TEX36: variants seen among roughly 807,000 people sequenced by gnomAD.
The protein encoded by TEX36 is testis-expressed protein 36.
In TEX36, 12 loss-of-function variants were observed where a neutral mutation model predicts 13.6. The ratio of observed to expected loss-of-function variants is 0.88; its 90% confidence interval spans 0.56 to 1.43. The LOEUF (loss-of-function observed/expected upper bound fraction) is 1.43. Among genes scored for constraint, TEX36 ranks in the 40% most tolerant of loss-of-function variants. The pLI is 0.00. For synonymous variants in TEX36, 93 were observed against 83.0 expected (o/e 1.12, Z -0.65); for missense variants, 224 against 228.3 (o/e 0.98, Z 0.12).
At chr10:125,647,235 A>G (rs1846783785) in intron 3 of TEX36, among the ~76,000 whole-genome samples, 1 of 152,258 alleles carries the variant, frequency 6.6e-6, no homozygotes, top group South Asian at 2.1e-4. Context: ...GCACAAACCC[A>G]GAATTATTTA....
chr10:125,618,185 CT>C (rs2133557299), downstream of TEX36, among the ~76,000 whole-genome samples: 1 of 152,220 alleles, frequency 6.6e-6, no homozygotes, highest in East Asian at 1.9e-4. Flanking sequence ...GTTATACATT[CT>C]TCTAAATTTT....
At chr10:125,627,630 A>G (rs1316018388) in intron 3 of TEX36, among the ~76,000 whole-genome samples, 1 of 152,268 alleles carries the variant, frequency 6.6e-6, no homozygotes, top group African/African-American at 2.4e-5. Flanking sequence ...TTGAATCAGA[A>G]CTATGGCATA....
intron 3 of TEX36, among the ~76,000 whole-genome samples, chr10:125,647,052 A>T (rs1379968527): frequency 6.6e-6 from 1 of 152,266 alleles, no homozygotes; most frequent in East Asian, 1.9e-4. Flanking sequence ...TATCGAAAGC[A>T]TAATACCTCA....
downstream of TEX36, among the ~76,000 whole-genome samples, chr10:125,618,561 C>G (rs1034609601): frequency 9.2e-5 from 14 of 152,068 alleles, no homozygotes; most frequent in Non-Finnish European, 1.6e-4. Flanking sequence ...AGGTGTCAGT[C>G]TGCCCCTGCT....
chr10:125,678,545 G>A (rs9422802), intron 1 of TEX36, among the ~76,000 whole-genome samples: 1 of 152,192 alleles, frequency 6.6e-6, no homozygotes, highest in Non-Finnish European at 1.5e-5. Flanking sequence ...AGCAATGAAC[G>A]AGGCAGGTGG....
intron 3 of TEX36, among the ~76,000 whole-genome samples, chr10:125,616,174 T>C (rs985496718): frequency 5.3e-5 from 8 of 152,156 alleles, no homozygotes; most frequent in Non-Finnish European, 1.0e-4. Flanking sequence ...TCTTCTCTCT[T>C]TTTTTCTTTT....
At chr10:125,662,027 C>T in intron 1 of TEX36, 50 bp from the exon 2 acceptor site, 1 of 1,551,020 alleles carries the variant, frequency 6.4e-7, no homozygotes, top group Non-Finnish European at 8.7e-7. Context: ...TTTGAATCTA[C>T]AAGCCAAGTA....
chr10:125,667,086 G>C, intron 1 of TEX36: 1 of 1,104,560 alleles, frequency 9.1e-7, no homozygotes, highest in Non-Finnish European at 1.4e-6. Flanking sequence ...GGGAGCACTT[G>C]TTAATGGCGT....
Position 125,642,092 on chromosome 10 carries a change from T to G in TEX36, c.264+18929A>C, listed in dbSNP as rs180770245. ...CACTTCCCATAAGTGGAATTATGTG[T>G]CACTCCTGTTAGAGACTGTTGGTGT... On this transcript the variant is annotated intron_variant, in intron 3 of 3. Coordinates refer to the TEX36 transcript ENST00000526819. 5.4e-4 allele frequency among the ~76,000 whole-genome samples: 82 copies of G among 152,298 alleles called. 1 individual carries two copies. The highest frequency in any genetic ancestry group is 9.6e-4 in the East Asian group (5 of 5,188).
chr10:125,581,782 G>T (rs1161588369), intron 3 of TEX36, among the ~76,000 whole-genome samples: 1 of 152,204 alleles, frequency 6.6e-6, no homozygotes, highest in East Asian at 1.9e-4. Flanking sequence ...GGGGGATGTA[G>T]GGTGGTGGTC....
At chr10:125,613,537 T>A (rs1846318247) in intron 3 of TEX36, among the ~76,000 whole-genome samples, 1 of 149,404 alleles carries the variant, frequency 6.7e-6, no homozygotes, top group South Asian at 2.1e-4. Flanking sequence ...GGTGTTTGGT[T>A]TTTTGTTCTT....
downstream of TEX36, among the ~76,000 whole-genome samples, chr10:125,655,450 A>G (rs12414561): frequency 6.6e-6 from 1 of 151,182 alleles, no homozygotes; most frequent in Non-Finnish European, 1.5e-5. Context: ...AAACAAAATT[A>G]AAAAAAAGTT....
At chr10:125,672,459 T>G (rs1395324417) in intron 1 of TEX36, among the ~76,000 whole-genome samples, 1 of 152,218 alleles carries the variant, frequency 6.6e-6, no homozygotes, top group East Asian at 1.9e-4. Context: ...TTTCTTAATC[T>G]TGAGTTATAA....
intron 3 of TEX36, among the ~76,000 whole-genome samples, chr10:125,627,269 G>A (rs1846500296): frequency 6.6e-6 from 1 of 152,166 alleles, no homozygotes. Context: ...TATCTGGATA[G>A]AAGAACAATG....
exon 4 of TEX36, chr10:125,576,704 T>C: frequency 6.5e-7 from 1 of 1,533,882 alleles, no homozygotes; most frequent in African/African-American, 1.4e-5. Context: ...ATTCTATTAG[T>C]CAGGACTCTG....
At chr10:125,633,677 G>A (rs2133569165) in intron 3 of TEX36, among the ~76,000 whole-genome samples, 1 of 152,190 alleles carries the variant, frequency 6.6e-6, no homozygotes, top group South Asian at 2.1e-4. Flanking sequence ...TCTTTTTTAT[G>A]AGCAATGAAA....
intron 3 of TEX36, among the ~76,000 whole-genome samples, chr10:125,601,432 C>G (rs980916655): frequency 2.6e-5 from 4 of 152,254 alleles, no homozygotes; most frequent in Non-Finnish European, 4.4e-5. Context: ...GCTAAGGAAA[C>G]AGATGATTGC....
At chr10:125,617,653 T>C (rs1403167894), downstream of TEX36, among the ~76,000 whole-genome samples, 1 of 152,238 alleles carries the variant, frequency 6.6e-6, no homozygotes, top group African/African-American at 2.4e-5. Context: ...TGCCCAGAGA[T>C]CTGCTGTTAG....
chr10:125,613,113 C>A (rs1315789928), intron 3 of TEX36, among the ~76,000 whole-genome samples: 1 of 151,634 alleles, frequency 6.6e-6, no homozygotes, highest in East Asian at 1.9e-4. Context: ...TTGAGGTGCC[C>A]CGCCCGACTG....
Sources: gnomAD v4.1 joint callset for allele counts (sites outside exome capture counted in the v4.1 genomes callset) on GRCh38, gnomAD v4.1.1 for gene constraint, MANE v1.5 for transcripts, NCBI Gene and HGNC (gene_info 2026-07-23, HGNC 2026-07-21) for gene names.